The following WWTR1 variants were observed in gnomAD, a reference collection of about 807,000 sequenced individuals.
The protein encoded by WWTR1 is WW domain-containing transcription regulator protein 1.
A neutral mutation model predicts 40.1 loss-of-function variants in WWTR1; 13 were observed. The ratio of observed to expected loss-of-function variants is 0.32; its 90% CI spans 0.21 to 0.52. The LOEUF (loss-of-function observed/expected upper bound fraction) is 0.52. Among genes scored for constraint, WWTR1 ranks in the 20% least tolerant of loss-of-function variants. The pLI is 0.97. For missense variants in WWTR1, 436 were observed against 523.1 expected (o/e 0.83, Z 1.63); for synonymous variants, 230 against 210.1 (o/e 1.09, Z -0.82).
intron 4 of WWTR1, among the ~76,000 whole-genome samples, chr3:149,532,672 C>CATGTTGCCATG (rs1382977850): frequency 6.6e-6 from 1 of 152,070 alleles, no homozygotes; most frequent in Non-Finnish European, 1.5e-5. Flanking sequence ...AAGGGCTAAC[C>CATGTTGCCATG]TCACCAACAT....
chr3:149,644,295 G>A (rs1210903471), intron 2 of WWTR1, among the ~76,000 whole-genome samples: 3 of 152,040 alleles, frequency 2.0e-5, no homozygotes, highest in Non-Finnish European at 2.9e-5. Context: ...CTCTTTTCCA[G>A]CACCACTAAA....
At chr3:149,588,446 T>C (rs1477664864) in intron 2 of WWTR1, among the ~76,000 whole-genome samples, 3 of 152,196 alleles carry the variant, frequency 2.0e-5, no homozygotes, top group African/African-American at 7.2e-5. Context: ...GAATGTATGC[T>C]TAAGGATGTC....
rs923773870 is a variant in WWTR1, at chr3:149,552,217, G to T, written c.569-9680C>A. ...TAAACAAGACCTGGGAAAGAGCAAA[G>T]TCTCCCCCTACCCCTCAGGACCAAT... On this transcript the variant is annotated intron_variant, in intron 3 of 6. Coordinates refer to ENST00000360632, the MANE Select transcript of WWTR1 (RefSeq NM_015472.6). Among the ~76,000 whole-genome samples, 2 of 144,776 alleles carry T rather than the reference G, an allele frequency of 1.4e-5. 1 individual carries two copies. Among genetic ancestry groups the T allele is most frequent in the Non-Finnish European group, 3.0e-5 (2 of 66,144 alleles). The allele number at this position is 144,776 out of a possible 152,430, so 95.0% of individuals were successfully genotyped here. A position where few individuals can be genotyped will look rare whatever the true frequency, so the allele number is the denominator to read the frequency against.
intron 1 of WWTR1, among the ~76,000 whole-genome samples, chr3:149,699,894 C>A (rs1367947764): frequency 6.6e-6 from 1 of 152,218 alleles, no homozygotes; most frequent in African/African-American, 2.4e-5. Flanking sequence ...ATTTCTACAT[C>A]TTCAAATATC....
In WWTR1 at chr3:149,596,612, C is replaced by T. The variant is rs149197330; in HGVS notation, c.432-23612G>A. 2.2e-3 allele frequency among the ~76,000 whole-genome samples: 336 copies of T among 152,346 alleles called. 1 individual carries two copies. The highest frequency in any genetic ancestry group is 0.01 in the South Asian group (50 of 4,830). ...CCGCCACTGGTACACATTTTCTTGA[C>T]TCTGAGGACAGAGGCTGAAGAGCAC... is the stretch of plus-strand genomic sequence containing the variant. On this transcript the variant is annotated intron_variant, in intron 2 of 6. Coordinates refer to ENST00000360632, the MANE Select transcript of WWTR1 (RefSeq NM_015472.6).
At chr3:149,719,406 G>T (rs1469412794) in intron 4 of WWTR1, among the ~76,000 whole-genome samples, 1 of 152,026 alleles carries the variant, frequency 6.6e-6, no homozygotes, top group Non-Finnish European at 1.5e-5. Flanking sequence ...CCTGACCTCA[G>T]GTGATCCACC....
At chr3:149,687,758 T>C (rs1173729849) in intron 1 of WWTR1, among the ~76,000 whole-genome samples, 1 of 152,098 alleles carries the variant, frequency 6.6e-6, no homozygotes, top group Non-Finnish European at 1.5e-5. Context: ...GCAATTTGGG[T>C]ACCAGCTCAG....
At chr3:149,616,512 G>C (rs560245521) in intron 2 of WWTR1, among the ~76,000 whole-genome samples, 86 of 150,664 alleles carry the variant, frequency 5.7e-4, no homozygotes, top group Non-Finnish European at 1.0e-3. Context: ...GCATGATCTC[G>C]GCTCACCGCA....
At position 149,520,848 on chromosome 3, in the gene WWTR1, T is replaced by C. The variant is rs1478658040; in HGVS notation, c.1160A>G (p.Glu387Gly). 6.2e-6 allele frequency: 10 copies of C among 1,612,856 alleles called. No homozygotes were observed. The Admixed American group carries it at 1.7e-4, about 27-fold the overall frequency. ...GGGCTCACTTTTGTTCAGAGCAGAC[T>C]CTACATCATTGAAGAGGGGGATCAG... ...EDLIPLFNDV[E>G]SALNKSEPFL... The change falls in exon 7 of 7, where the codon GAG (glutamate) becomes GGG (glycine). Residue 387 changes from glutamate (E) to glycine (G), a missense_variant. Physicochemically the swap from Glu to Gly is moderately conservative, Grantham distance 98. Coordinates refer to ENST00000360632, the MANE Select transcript of WWTR1 (RefSeq NM_015472.6).
At chr3:149,593,439 G>A (rs1005048937) in intron 2 of WWTR1, among the ~76,000 whole-genome samples, 4 of 151,472 alleles carry the variant, frequency 2.6e-5, no homozygotes, top group South Asian at 2.1e-4. Context: ...CCCAAAGCCA[G>A]GAGATTTCAG....
At chr3:149,672,964 T>C (rs1447652477) in intron 1 of WWTR1, among the ~76,000 whole-genome samples, 1 of 152,088 alleles carries the variant, frequency 6.6e-6, no homozygotes, top group African/African-American at 2.4e-5. Context: ...AGAACTTTTA[T>C]TGTTAACTTT....
chr3:149,696,297 T>C (rs1391410508), intron 1 of WWTR1, among the ~76,000 whole-genome samples: 1 of 152,028 alleles, frequency 6.6e-6, no homozygotes, highest in Non-Finnish European at 1.5e-5. Flanking sequence ...AGCACTTAGA[T>C]GCCCAAGGTT....
chr3:149,712,574 G>T (rs1715500154), intron 5 of WWTR1, among the ~76,000 whole-genome samples: 1 of 152,154 alleles, frequency 6.6e-6, no homozygotes, highest in Admixed American at 6.5e-5. Flanking sequence ...ATATCAAGAG[G>T]AAAAGTAAGT....
At chr3:149,586,664 G>A (rs1738444801) in intron 2 of WWTR1, among the ~76,000 whole-genome samples, 1 of 151,812 alleles carries the variant, frequency 6.6e-6, no homozygotes, top group African/African-American at 2.4e-5. Context: ...GACTGTTGGT[G>A]GGCTCCTACA....
rs144141428 is a variant in WWTR1 at position 149,542,357 on chromosome 3, C to T, written c.749G>A (p.Arg250His). Residue 250 changes from arginine (R) to histidine (H), a missense_variant, in exon 4 of 7, where the codon CGC (arginine) becomes CAC (histidine). By Grantham distance (29) the Arg-to-His change is conservative. Coordinates refer to ENST00000360632, the MANE Select transcript of WWTR1 (RefSeq NM_015472.6). ...IQMERERIRM[R>H]QEELMRQEAA... ...TACCTGCCTCATGAGCTCCTCTTGG[C>T]GCATTCGAATCCTTTCTCTCTCCAT... 13 of 1,613,678 alleles carry T rather than the reference C, an allele frequency of 8.1e-6. No homozygotes were observed. Among genetic ancestry groups the T allele is most frequent in the African/African-American group, 2.7e-5 (2 of 74,914 alleles).
chr3:149,696,741 G>A (rs931595012), intron 1 of WWTR1, among the ~76,000 whole-genome samples: 2 of 152,128 alleles, frequency 1.3e-5, no homozygotes, highest in Admixed American at 6.6e-5. Flanking sequence ...AACGAGCATG[G>A]CGTTTTTGAA....
intron 4 of WWTR1, among the ~76,000 whole-genome samples, chr3:149,528,344 C>T (rs1239626480): frequency 1.3e-5 from 2 of 152,242 alleles, no homozygotes; most frequent in Non-Finnish European, 2.9e-5. Flanking sequence ...AGCAATCAGA[C>T]TCCTCTGGAC....
chr3:149,680,364 C>T (rs961364238), intron 1 of WWTR1, among the ~76,000 whole-genome samples: 3 of 151,988 alleles, frequency 2.0e-5, no homozygotes, highest in East Asian at 1.9e-4. Context: ...GCCAACATGG[C>T]GAAACCCTGT....
At chr3:149,536,485 G>A (rs866609318) in intron 4 of WWTR1, among the ~76,000 whole-genome samples, 1 of 151,784 alleles carries the variant, frequency 6.6e-6, no homozygotes, top group East Asian at 1.9e-4. Context: ...AAAAAAAAGG[G>A]GGGGGCCTCA....
Sources: allele counts gnomAD v4.1 joint callset (sites outside exome capture counted in the v4.1 genomes callset), GRCh38; gene constraint gnomAD v4.1.1; transcripts MANE v1.5; gene names NCBI Gene and HGNC (gene_info 2026-07-23, HGNC 2026-07-21).